TSPAN14: variants seen among roughly 807,000 people sequenced by gnomAD.
TSPAN14 encodes the protein tetraspanin 14.
A neutral mutation model predicts 36.6 loss-of-function variants in TSPAN14; 16 were observed. The observed-to-expected ratio is 0.44, with a 90% CI of 0.30 to 0.66. The LOEUF (loss-of-function observed/expected upper bound fraction) is 0.66. Among genes scored for constraint, TSPAN14 ranks in the 30% least tolerant of loss-of-function variants. TSPAN14 has a pLI of 0.12. For missense variants in TSPAN14, 231 were observed against 355.1 expected (o/e 0.65, Z 2.81); for synonymous variants, 139 against 143.8 (o/e 0.97, Z 0.24).
At chr10:80,454,893 C>T (rs1462075310) in intron 1 of TSPAN14, among the ~76,000 whole-genome samples, 1 of 152,180 alleles carries the variant, frequency 6.6e-6, no homozygotes, top group African/African-American at 2.4e-5. Flanking sequence ...CCTCCTGCCC[C>T]GCCGTGGTTG....
intron 1 of TSPAN14, among the ~76,000 whole-genome samples, chr10:80,460,896 C>T (rs1438039710): frequency 6.6e-6 from 1 of 152,190 alleles, no homozygotes; most frequent in African/African-American, 2.4e-5. Flanking sequence ...TTCTCGCTCC[C>T]GCCTCCATCA....
chr10:80,462,853 T>C (rs1353825252), intron 1 of TSPAN14, among the ~76,000 whole-genome samples: 1 of 152,128 alleles, frequency 6.6e-6, no homozygotes, highest in Non-Finnish European at 1.5e-5. Context: ...GATGTGTTCA[T>C]AGCACTAGGA....
At chr10:80,501,170 G>A (rs1322099170) in intron 2 of TSPAN14, among the ~76,000 whole-genome samples, 1 of 149,684 alleles carries the variant, frequency 6.7e-6, no homozygotes, top group African/African-American at 2.5e-5. Context: ...AGGCTGGAGT[G>A]CAGTGGTGCA....
chr10:80,516,408 T>C, intron 8 of TSPAN14, 85 bp downstream of exon 8: 1 of 1,583,304 alleles, frequency 6.3e-7, no homozygotes, highest in East Asian at 2.2e-5. Context: ...TGGGTCCAGT[T>C]TGGGTATGGT....
intron 1 of TSPAN14, among the ~76,000 whole-genome samples, chr10:80,460,457 CAG>C (rs1845913050): frequency 6.6e-6 from 1 of 152,092 alleles, no homozygotes; most frequent in African/African-American, 2.4e-5. Flanking sequence ...GTAGAGGGCT[CAG>C]AGGAATAAAG....
intron 1 of TSPAN14, among the ~76,000 whole-genome samples, chr10:80,474,051 G>A (rs1206855033): frequency 6.6e-6 from 1 of 152,050 alleles, no homozygotes; most frequent in East Asian, 1.9e-4. Context: ...ATGTTCCTCA[G>A]CACCTAGTGG....
chr10:80,499,007 A>G (rs916777988), intron 2 of TSPAN14, among the ~76,000 whole-genome samples: 1 of 152,232 alleles, frequency 6.6e-6, no homozygotes, highest in South Asian at 2.1e-4. Flanking sequence ...GCCTGAGAGC[A>G]TCGCCTGCTG....
At chr10:80,516,251 G>C in exon 8 of TSPAN14, 6 of 1,614,262 alleles carry the variant, frequency 3.7e-6, no homozygotes, top group Non-Finnish European at 5.1e-6. Flanking sequence ...GCTGCATCCA[G>C]GCGCTGGAAA....
chr10:80,486,302 T>C (rs566789926), intron 1 of TSPAN14, among the ~76,000 whole-genome samples: 1 of 152,236 alleles, frequency 6.6e-6, no homozygotes, highest in Non-Finnish European at 1.5e-5. Context: ...CTGTAGCCTT[T>C]CCATGTTCTG....
rs775755301 is a variant in TSPAN14, at chr10:80,509,488, C to T, written c.450+17C>T. ...CAGAAAGCTGTAAGCACCTCCCCAGCGGGCCCCCGATAGAGCATGCACCTC... is the reference window on the plus strand; with the variant it reads ...CAGAAAGCTGTAAGCACCTCCCCAGTGGGCCCCCGATAGAGCATGCACCTC... On this transcript the variant is annotated intron_variant, in intron 5 of 8. Transcript: ENST00000429989. This position sits in a 1 kb window ranked among gnomAD's most constrained non-coding sequence, Gnocchi z 4.7. 35 of 1,610,336 alleles carry T rather than the reference C, an allele frequency of 2.2e-5. No individual in the cohort carries two copies. The highest frequency in any genetic ancestry group is 5.0e-5 in the Admixed American group (3 of 59,846).
chr10:80,518,028 T>C (rs375289963), exon 9 of TSPAN14: 1 of 1,533,734 alleles, frequency 6.5e-7, no homozygotes, highest in Non-Finnish European at 8.8e-7. Context: ...CCAGAGCCTT[T>C]CTCTGCCATC....
intron 1 of TSPAN14, among the ~76,000 whole-genome samples, chr10:80,464,331 AAAT>A (rs1399403995): frequency 6.6e-6 from 1 of 152,172 alleles, no homozygotes; most frequent in Non-Finnish European, 1.5e-5. Flanking sequence ...CACCTGGTGA[AAAT>A]AATAGATGGG....
In TSPAN14 at chr10:80,477,086, G is replaced by A. The variant is rs115751834; in HGVS notation, c.-17-12131G>A. ...AGTCCCTCACTGGTCCTCGCATGTG[G>A]CCCCTGTACTCAGATCCAGCAACAG... On this transcript the variant is annotated intron_variant, in intron 1 of 8. Transcript: ENST00000429989. Among the ~76,000 whole-genome samples the A allele has an allele frequency of 4.5e-3, 691 of 152,294 alleles. 7 individuals are homozygous for A. The highest frequency in any genetic ancestry group is 0.016 in the African/African-American group (664 of 41,560).
At chr10:80,507,146 C>T (rs1840345727) in intron 3 of TSPAN14, 82 bp from the exon 4 acceptor site, 1 of 1,546,360 alleles carries the variant, frequency 6.5e-7, no homozygotes, top group Non-Finnish European at 8.8e-7. Flanking sequence ...TCCCTGTTTT[C>T]AGTACCACCT....
chr10:80,486,084 G>C (rs1177901012), intron 1 of TSPAN14, among the ~76,000 whole-genome samples: 6 of 152,194 alleles, frequency 3.9e-5, no homozygotes, highest in Non-Finnish European at 7.3e-5. Context: ...GGGGAAGTGA[G>C]GGCTTGGAGT....
At chr10:80,508,533 G>T (rs1455685331) in intron 4 of TSPAN14, among the ~76,000 whole-genome samples, 3 of 152,186 alleles carry the variant, frequency 2.0e-5, no homozygotes, top group Non-Finnish European at 4.4e-5. Flanking sequence ...CTGCAGGCTG[G>T]GAGTCTGCCC....
At chr10:80,456,978 C>T (rs1295925651) in intron 1 of TSPAN14, among the ~76,000 whole-genome samples, 2 of 152,044 alleles carry the variant, frequency 1.3e-5, no homozygotes, top group East Asian at 3.9e-4. Flanking sequence ...AGGAGAATTG[C>T]TTCAATCTGG....
Position 80,516,342 on chromosome 10 carries a change from T to A in TSPAN14, c.741+19T>A, listed in dbSNP as rs1383208723. On this transcript the variant is annotated intron_variant, in intron 8 of 8. Transcript: ENST00000429989. Reference sequence around the variant, plus strand: ...GTTGCAGGTGTGTCCCAGGAGCCTATAGGATTGGCAGGTGGCCTTTTTTCA... The same window carrying A: ...GTTGCAGGTGTGTCCCAGGAGCCTAAAGGATTGGCAGGTGGCCTTTTTTCA... The A allele has an allele frequency of 1.2e-6, 2 of 1,613,790 alleles. No individual in the cohort carries two copies. Among genetic ancestry groups the A allele is most frequent in the Non-Finnish European group, 1.7e-6 (2 of 1,179,804 alleles).
rs142522550 is a variant in TSPAN14, at chr10:80,518,469, C to T, written c.*493C>T. Reference sequence around the variant, plus strand: ...ATGGGGGCCTGCCCGTAACGGGAGGCGGACGTGGCCCCGCTGGGCCTCTGA... The same window carrying T: ...ATGGGGGCCTGCCCGTAACGGGAGGTGGACGTGGCCCCGCTGGGCCTCTGA... On this transcript the variant is annotated 3_prime_UTR_variant, in exon 9 of 9. Transcript: ENST00000429989. 1,053 of 171,124 alleles carry T rather than the reference C, an allele frequency of 6.2e-3. 15 individuals are homozygous for T. The highest frequency in any genetic ancestry group is 0.023 in the African/African-American group (989 of 42,220). The allele number at this position is 171,124 out of a possible 1,614,324, so 10.6% of individuals were successfully genotyped here.
Sources: gnomAD v4.1 joint callset for allele counts (sites outside exome capture counted in the v4.1 genomes callset) on GRCh38, gnomAD v4.1.1 for gene constraint, Gnocchi (gnomAD v3.1) non-coding constraint, MANE v1.5 for transcripts, NCBI Gene and HGNC (gene_info 2026-07-23, HGNC 2026-07-21) for gene names.